PACS2: variants seen among roughly 807,000 people sequenced by gnomAD.
PACS2 encodes phosphofurin acidic cluster sorting protein 2.
Under a neutral mutation model 113.0 loss-of-function variants are expected in PACS2, and 36 were observed. The ratio of observed to expected loss-of-function variants is 0.32; its 90% CI spans 0.24 to 0.42. The LOEUF is 0.42. PACS2 is among the 10% of genes least tolerant of loss of function. The pLI is 1.00. For missense variants in PACS2, 1,015 were observed against 1,239.5 expected (o/e 0.82, Z 2.72); for synonymous variants, 589 against 536.1 (o/e 1.10, Z -1.36).
chr14:105,345,616 T>G (rs1465692048), intron 1 of PACS2, among the ~76,000 whole-genome samples: 1 of 152,210 alleles, frequency 6.6e-6, no homozygotes, highest in African/African-American at 2.4e-5. Context: ...TTTTTTAGTT[T>G]CCCAAGCATC....
chr14:105,382,081 G>A (rs782146746), intron 13 of PACS2, 23 bp downstream of exon 13: 35 of 1,539,576 alleles, frequency 2.3e-5, no homozygotes, highest in Non-Finnish European at 2.8e-5. Flanking sequence ...GGCGTGGCAC[G>A]CCCAGGAGGC....
rs1166883985 is a variant in PACS2, at chr14:105,364,695, C to CTTT, written c.424-2501_424-2499dup. Among the ~76,000 whole-genome samples, 66 of 126,062 alleles carry CTTT rather than the reference C, an allele frequency of 5.2e-4. 1 individual carries two copies. The highest frequency in any genetic ancestry group is 2.0e-3 in the African/African-American group (65 of 32,386). 82.7% of individuals were successfully genotyped at this position (126,062 alleles called of 152,430 possible). A position where few individuals can be genotyped will look rare whatever the true frequency, so the allele number is the denominator to read the frequency against. On this transcript the variant is annotated intron_variant, in intron 4 of 24. Transcript: ENST00000447393. ...GTGACATCCTGAGCAATTTTCTTTT[C>CTTT]TTTTTTTTTTTTTTTTTTTGAGACG...
Position 105,352,482 on chromosome 14 carries a change from A to G in PACS2, c.297+15A>G, listed in dbSNP as rs782414099. 1 of 1,531,026 alleles carries G rather than the reference A, an allele frequency of 6.5e-7. No individual in the cohort carries two copies. The highest frequency in any genetic ancestry group is 9.0e-7 in the Non-Finnish European group (1 of 1,105,426). The allele number at this position is 1,531,026 out of a possible 1,614,324, so 94.8% of individuals were successfully genotyped here. A position where few individuals can be genotyped will look rare whatever the true frequency, so the allele number is the denominator to read the frequency against. Reference sequence around the variant, plus strand: ...TCTCCTTGCAGGTGAGTCTTTCACCAGTGGTGACGACACCCTCATCACTGT... The same window carrying G: ...TCTCCTTGCAGGTGAGTCTTTCACCGGTGGTGACGACACCCTCATCACTGT... On this transcript the variant is annotated intron_variant, in intron 3 of 24. Transcript: ENST00000447393.
chr14:105,320,296 T>C (rs989956284), intron 1 of PACS2, among the ~76,000 whole-genome samples: 49 of 152,196 alleles, frequency 3.2e-4, no homozygotes, highest in African/African-American at 1.2e-3. Flanking sequence ...TTTCTAACAT[T>C]AACCTATTCC....
At chr14:105,391,376 G>A in intron 21 of PACS2, 127 bp downstream of exon 21, 3 of 760,880 alleles carry the variant, frequency 3.9e-6, no homozygotes, top group East Asian at 2.6e-5. Flanking sequence ...CAGTCTTGCT[G>A]TGGTGCTTCT....
rs943853776 is a variant in PACS2, at chr14:105,395,033, C to T, written c.*361C>T. On this transcript the variant is annotated 3_prime_UTR_variant, in exon 25 of 25. Coordinates refer to ENST00000447393, the MANE Select transcript of PACS2 (RefSeq NM_001100913.3). ...CAGGACTCTGCTTCCTCAGGGAGCC[C>T]GGGGAAGGCGGAGCTCAGTGGCCAC... 4.2e-5 allele frequency: 10 copies of T among 236,980 alleles called. No homozygotes were observed. The highest frequency in any genetic ancestry group is 5.0e-5 in the Admixed American group (1 of 19,806). The allele number at this position is 236,980 out of a possible 1,614,324, so 14.7% of individuals were successfully genotyped here. A position where few individuals can be genotyped will look rare whatever the true frequency, so the allele number is the denominator to read the frequency against.
chr14:105,304,528 G>T (rs2058125581), intron 1 of PACS2, among the ~76,000 whole-genome samples: 1 of 152,068 alleles, frequency 6.6e-6, no homozygotes, highest in African/African-American at 2.4e-5. Context: ...ATAAAAAAGG[G>T]TGAGGCTCTA....
chr14:105,304,420 G>A (rs1486683635), intron 1 of PACS2, among the ~76,000 whole-genome samples: 3 of 152,132 alleles, frequency 2.0e-5, no homozygotes, highest in Non-Finnish European at 4.4e-5. Flanking sequence ...CCTGGGAGGC[G>A]GGAGTTGTGG....
chr14:105,309,585 TC>T (rs2058287731), upstream of PACS2, among the ~76,000 whole-genome samples: 1 of 152,086 alleles, frequency 6.6e-6, no homozygotes, highest in South Asian at 2.1e-4. This position sits in a 1 kb window ranked among gnomAD's most constrained non-coding sequence, Gnocchi z 4.0. Context: ...CAGGCAAATC[TC>T]CCAAGACGCT....
chr14:105,349,487 T>C (rs2060074721), intron 2 of PACS2, among the ~76,000 whole-genome samples: 1 of 152,200 alleles, frequency 6.6e-6, no homozygotes, highest in Non-Finnish European at 1.5e-5. Flanking sequence ...GCTGGCCGGA[T>C]TCTTGACACC....
intron 1 of PACS2, among the ~76,000 whole-genome samples, chr14:105,307,767 C>T (rs897164628): frequency 6.6e-6 from 1 of 152,222 alleles, no homozygotes; most frequent in Non-Finnish European, 1.5e-5. Context: ...CCTAGCACTG[C>T]GGAGTATGAT....
chr14:105,362,399 A>T (rs2060750802), intron 4 of PACS2, among the ~76,000 whole-genome samples: 1 of 150,532 alleles, frequency 6.6e-6, no homozygotes, highest in Non-Finnish European at 1.5e-5. Context: ...CCTGGGCGAC[A>T]GAGCGAGACT....
chr14:105,328,006 G>A (rs2059184523), intron 1 of PACS2, among the ~76,000 whole-genome samples: 1 of 152,240 alleles, frequency 6.6e-6, no homozygotes, highest in South Asian at 2.1e-4. Flanking sequence ...GGCCACCCGA[G>A]GTTTCACTGC....
At chr14:105,378,052 T>A (rs1044361992) in intron 9 of PACS2, among the ~76,000 whole-genome samples, 1 of 152,190 alleles carries the variant, frequency 6.6e-6, no homozygotes, top group Admixed American at 6.5e-5. Flanking sequence ...CCAGGGTCCC[T>A]CCTCCACCTT....
chr14:105,394,414 A>G (rs2081475922), intron 24 of PACS2, 140 bp from the exon 25 acceptor site: 1 of 1,464,404 alleles, frequency 6.8e-7, no homozygotes, highest in Non-Finnish European at 9.0e-7. Flanking sequence ...CCCTGAGGAA[A>G]GTGTTGATGC....
rs1273378977 is a variant in PACS2, at chr14:105,355,275, G to A, written c.423+98G>A. 25 of 1,387,944 alleles carry A rather than the reference G, an allele frequency of 1.8e-5. No homozygotes were observed. The highest frequency in any genetic ancestry group is 2.3e-5 in the Non-Finnish European group (24 of 1,026,532). The allele number at this position is 1,387,944 out of a possible 1,614,324, so 86.0% of individuals were successfully genotyped here. A position where few individuals can be genotyped will look rare whatever the true frequency, so the allele number is the denominator to read the frequency against. The stretch of plus-strand genomic sequence containing the variant: ...GGAGATGTCTCTCCCGGGTCCAGAT[G>A]TCCAGGGATCAGGTGAAAATGATGA... On this transcript the variant is annotated intron_variant, in intron 4 of 24. Coordinates refer to ENST00000447393, the MANE Select transcript of PACS2 (RefSeq NM_001100913.3). This position sits in a 1 kb window ranked among gnomAD's most constrained non-coding sequence, Gnocchi z 4.1.
chr14:105,315,020 C>T lies in PACS2; in HGVS notation c.102C>T (p.Ser34=). 3 of 1,226,114 alleles carry T rather than the reference C, an allele frequency of 2.4e-6. No homozygotes were observed. The highest frequency in any genetic ancestry group is 2.1e-6 in the Non-Finnish European group (2 of 965,282). 76.0% of individuals were successfully genotyped at this position (1,226,114 alleles called of 1,614,324 possible). ...CCACCTGGGAGGTGGACGGCTCCAGCCCCAGCTGCGTGCCCAGGTACGCGC... is the reference window on the plus strand; with the variant it reads ...CCACCTGGGAGGTGGACGGCTCCAGTCCCAGCTGCGTGCCCAGGTACGCGC... The part of the protein sequence containing the change: ...LFATWEVDGS[S]PSCVPRLCSL... Residue 34 remains serine (S), a synonymous_variant, in exon 1 of 25, where the codon AGC becomes AGT. Transcript: ENST00000447393. The surrounding 1 kb of genome is among the most constrained non-coding windows in gnomAD (Gnocchi z 4.4).
chr14:105,370,045 A>C, intron 8 of PACS2, 145 bp downstream of exon 8: 2 of 704,486 alleles, frequency 2.8e-6, no homozygotes, highest in Non-Finnish European at 4.7e-6. Flanking sequence ...ACAGTCTGCG[A>C]GGCGCAGTGA....
intron 1 of PACS2, among the ~76,000 whole-genome samples, chr14:105,339,910 C>T (rs1197325701): frequency 2.0e-5 from 3 of 152,122 alleles, no homozygotes; most frequent in Non-Finnish European, 4.4e-5. Flanking sequence ...TCCCGAAGTC[C>T]TGGGATTACA....
Sources: gnomAD v4.1 joint callset for allele counts (sites outside exome capture counted in the v4.1 genomes callset) on GRCh38, gnomAD v4.1.1 for gene constraint, Gnocchi (gnomAD v3.1) non-coding constraint, MANE v1.5 for transcripts, NCBI Gene and HGNC (gene_info 2026-07-23, HGNC 2026-07-21) for gene names.